PEBP4: variants seen among roughly 807,000 people sequenced by gnomAD.
PEBP4 encodes the protein phosphatidylethanolamine binding protein 4, also known as phosphatidylethanolamine-binding protein 4.
PEBP4 carries 22 observed loss-of-function variants against 23.9 expected under a neutral mutation model. That is an observed-to-expected ratio of 0.92 (90% CI 0.66 to 1.31). The LOEUF (loss-of-function observed/expected upper bound fraction) is 1.31, where lower values mean the gene tolerates loss of function less well. Among genes scored for constraint, PEBP4 ranks in the 40% most tolerant of loss-of-function variants. The pLI, the probability that PEBP4 is intolerant of heterozygous loss-of-function variation, is 0.00. For missense variants in PEBP4, 324 were observed against 281.7 expected (o/e 1.15, Z -1.07); for synonymous variants, 112 against 99.3 (o/e 1.13, Z -0.76).
intron 3 of PEBP4, among the ~76,000 whole-genome samples, chr8:22,914,552 G>A (rs1422791324): frequency 6.6e-6 from 1 of 152,212 alleles, no homozygotes; most frequent in Non-Finnish European, 1.5e-5. Context: ...TGGCTTGCTG[G>A]GGTAAGGCAG....
intron 3 of PEBP4, among the ~76,000 whole-genome samples, chr8:22,851,662 CCTCT>C (rs1176576476): frequency 6.6e-6 from 1 of 152,094 alleles, no homozygotes; most frequent in Non-Finnish European, 1.5e-5. Context: ...GCAGAAAAAT[CCTCT>C]CTCTTTTGCT....
chr8:22,797,731 G>A (rs886317939), intron 4 of PEBP4, among the ~76,000 whole-genome samples: 4 of 152,124 alleles, frequency 2.6e-5, no homozygotes, highest in Admixed American at 6.5e-5. Flanking sequence ...GCTATCCATC[G>A]CAGGGGCAAT....
intron 3 of PEBP4, among the ~76,000 whole-genome samples, chr8:22,891,857 A>G (rs929516923): frequency 1.3e-5 from 2 of 152,252 alleles, no homozygotes; most frequent in African/African-American, 4.8e-5. Flanking sequence ...ACGGATCACG[A>G]GGTCAGGAGA....
intron 4 of PEBP4, among the ~76,000 whole-genome samples, chr8:22,817,356 T>C (rs1185106365): frequency 4.6e-5 from 7 of 152,194 alleles, no homozygotes; most frequent in Non-Finnish European, 7.3e-5. Flanking sequence ...ACCACTCCCG[T>C]GGTGGGAGTA....
At chr8:22,774,683 C>T (rs1805780691) in intron 4 of PEBP4, among the ~76,000 whole-genome samples, 1 of 152,180 alleles carries the variant, frequency 6.6e-6, no homozygotes, top group Non-Finnish European at 1.5e-5. Context: ...GCTTCGGGGA[C>T]TCTCATTTTG....
At position 22,724,880 on chromosome 8, in the gene PEBP4, T is replaced by C; in HGVS notation, c.480A>G (p.Lys160=). 1.9e-6 allele frequency: 3 copies of C among 1,614,054 alleles called. No homozygotes were observed. Among genetic ancestry groups the C allele is most frequent in the Non-Finnish European group, 2.5e-6 (3 of 1,179,958 alleles). ...TTTCCTTGGGAAGGAGAGAGATGAC[T>C]TTTCCTTCCTGAAGATAGACAAAGA... ...YQFFVYLQEG[K]VISLLPKENK... is the part of the protein sequence containing the mutation. Residue 160 remains lysine (K), a synonymous_variant, in exon 6 of 7, where the codon AAA becomes AAG. Transcript: ENST00000256404.
Position 22,878,549 on chromosome 8 carries a change from AT to A in PEBP4, c.258+41634del, listed in dbSNP as rs1382657651. Among the ~76,000 whole-genome samples the A allele has an allele frequency of 4.6e-5, 7 of 152,304 alleles. No individual in the cohort carries two copies. The South Asian group carries it at 1.2e-3, about 27-fold the overall frequency. ...TGAGTTACCCTATTGCTCATATCTAATCACAAAGCGCAGACAGGTGGGGAGG... is the reference window on the plus strand; with the variant it reads ...TGAGTTACCCTATTGCTCATATCTAACACAAAGCGCAGACAGGTGGGGAGG... On this transcript the variant is annotated intron_variant, in intron 3 of 6. Coordinates refer to ENST00000256404, the MANE Select transcript of PEBP4 (RefSeq NM_144962.3).
intron 3 of PEBP4, among the ~76,000 whole-genome samples, chr8:22,855,329 A>G (rs551609355): frequency 1.3e-5 from 2 of 152,186 alleles, no homozygotes; most frequent in Non-Finnish European, 1.5e-5. Context: ...ATTACTGTGA[A>G]TGCAGGGAAC....
intron 6 of PEBP4, among the ~76,000 whole-genome samples, chr8:22,717,701 G>A (rs902225824): frequency 6.6e-6 from 1 of 152,184 alleles, no homozygotes; most frequent in African/African-American, 2.4e-5. Flanking sequence ...CCTTCAGGTG[G>A]TGATCTGTAT....
At position 22,818,031 on chromosome 8, in the gene PEBP4, G is replaced by A. The variant is rs116281405; in HGVS notation, c.259-296C>T. Reference sequence around the variant, plus strand: ...AGTTCTGAGCGCTGTGCTGAGTGCCGTGGAGGAATCAAGGAAACCTAAAAC... The same window carrying A: ...AGTTCTGAGCGCTGTGCTGAGTGCCATGGAGGAATCAAGGAAACCTAAAAC... On this transcript the variant is annotated intron_variant, in intron 3 of 6. Coordinates refer to ENST00000256404, the MANE Select transcript of PEBP4 (RefSeq NM_144962.3). Among the ~76,000 whole-genome samples, 996 of 152,298 alleles carry A rather than the reference G, an allele frequency of 6.5e-3. 7 individuals carry two copies. The highest frequency in any genetic ancestry group is 0.023 in the African/African-American group (938 of 41,542).
intron 4 of PEBP4, among the ~76,000 whole-genome samples, chr8:22,765,116 TC>T (rs1008986896): frequency 1.4e-5 from 2 of 144,898 alleles, no homozygotes; most frequent in Non-Finnish European, 3.0e-5. Context: ...TTCCTTTATT[TC>T]TTCCTTCCTT....
intron 3 of PEBP4, among the ~76,000 whole-genome samples, chr8:22,824,929 T>C (rs1237559521): frequency 6.6e-6 from 1 of 152,168 alleles, no homozygotes; most frequent in Non-Finnish European, 1.5e-5. Context: ...GGACCGGTAC[T>C]GGGGGTTGGG....
rs73215089 is a variant in PEBP4, at chr8:22,867,576, G to A, written c.259-49841C>T. Among the ~76,000 whole-genome samples the A allele has an allele frequency of 5.9e-3, 897 of 152,238 alleles. 9 individuals are homozygous for A. Among genetic ancestry groups the A allele is most frequent in the Non-Finnish European group, 0.01 (686 of 68,004 alleles). On this transcript the variant is annotated intron_variant, in intron 3 of 6. Transcript: ENST00000256404. ...CCCCCTTTCCATGCTGGGGAACCCT[G>A]GACAAAGGCCAGTTCACTGCCCTTC...
intron 3 of PEBP4, among the ~76,000 whole-genome samples, chr8:22,850,997 A>G (rs1807539235): frequency 1.3e-5 from 2 of 152,244 alleles, no homozygotes; most frequent in Admixed American, 6.5e-5. Context: ...GTTCTTAGGA[A>G]ACAGCATTTG....
intron 3 of PEBP4, among the ~76,000 whole-genome samples, chr8:22,840,302 A>G (rs1807296786): frequency 1.3e-5 from 2 of 152,262 alleles, no homozygotes; most frequent in Non-Finnish European, 2.9e-5. Context: ...TTAACAAAGA[A>G]TTTTTTAAAC....
intron 3 of PEBP4, among the ~76,000 whole-genome samples, chr8:22,866,039 G>A (rs569002517): frequency 8.3e-4 from 127 of 152,300 alleles, no homozygotes; most frequent in Non-Finnish European, 1.5e-3. Flanking sequence ...TCGGCTCCAC[G>A]CCTGTCCCCT....
chr8:22,748,966 G>A (rs895668295), intron 4 of PEBP4, among the ~76,000 whole-genome samples: 1 of 152,108 alleles, frequency 6.6e-6, no homozygotes, highest in Non-Finnish European at 1.5e-5. Flanking sequence ...TTTTTGCTCT[G>A]TGTACCCAGA....
chr8:22,895,525 T>TA (rs1808571839), intron 3 of PEBP4: 1 of 152,234 alleles, frequency 6.6e-6, no homozygotes, highest in Non-Finnish European at 1.5e-5. Flanking sequence ...GTGGATTTTT[T>TA]TAAAAATTCT....
intron 4 of PEBP4, among the ~76,000 whole-genome samples, chr8:22,803,353 C>A (rs1049810188): frequency 2.0e-5 from 3 of 152,130 alleles, no homozygotes; most frequent in Non-Finnish European, 2.9e-5. Context: ...AGGCTCATTT[C>A]AATCTCTCAC....
Sources: allele counts gnomAD v4.1 joint callset (sites outside exome capture counted in the v4.1 genomes callset), GRCh38; gene constraint gnomAD v4.1.1; transcripts MANE v1.5; gene names NCBI Gene and HGNC (gene_info 2026-07-23, HGNC 2026-07-21).